Variants in GLI3 observed in about 807,000 individuals in gnomAD.
The protein encoded by GLI3 is GLI family zinc finger 3, also known as transcription activator GLI3.
In GLI3, 20 loss-of-function variants were observed where a neutral mutation model predicts 100.8. The ratio of observed to expected loss-of-function variants is 0.20; its 90% CI spans 0.14 to 0.29. The LOEUF (loss-of-function observed/expected upper bound fraction) is 0.29, where lower values mean the gene tolerates loss of function less well. Among genes scored for constraint, GLI3 ranks in the 10% least tolerant of loss-of-function variants. The pLI, the probability that GLI3 is intolerant of heterozygous loss-of-function variation, is 1.00. For missense variants in GLI3, 2,040 were observed against 2,128.5 expected, an observed-to-expected ratio of 0.96 and a Z score of 0.82; for synonymous variants, 938 against 860.5, an observed-to-expected ratio of 1.09 and a Z score of -1.58.
chr7:42,194,206 T>A (rs1316769690), intron 2 of GLI3, among the ~76,000 whole-genome samples: 2 of 152,150 alleles, frequency 1.3e-5, no homozygotes, highest in African/African-American at 4.8e-5. Flanking sequence ...ATCAACCTCA[T>A]CATAGGTACA....
chr7:41,968,721 A>AAAGAAAGAAAGAAAGAAAG lies in GLI3; in HGVS notation c.2104-817_2104-799dup, dbSNP rs1787265046. 1.2e-3 allele frequency among the ~76,000 whole-genome samples: 128 copies of AAAGAAAGAAAGAAAGAAAG among 103,254 alleles called. 7 individuals carry two copies. Among genetic ancestry groups the AAAGAAAGAAAGAAAGAAAG allele is most frequent in the African/African-American group, 5.8e-3 (121 of 20,908 alleles). 67.7% of individuals were successfully genotyped at this position (103,254 alleles called of 152,430 possible). A position where few individuals can be genotyped will look rare whatever the true frequency, so the allele number is the denominator to read the frequency against. ...AGAAAGAAAGAAAGAAAGAAGAAAG[A>AAAGAAAGAAAGAAAGAAAG]AAGAAAGAAAGAAAGAAAGAAAGAA... is the stretch of plus-strand genomic sequence containing the variant. On this transcript the variant is annotated intron_variant, in intron 13 of 14. Transcript: ENST00000395925.
chr7:42,194,032 T>C (rs1361117555), intron 2 of GLI3, among the ~76,000 whole-genome samples: 1 of 152,224 alleles, frequency 6.6e-6, no homozygotes, highest in Non-Finnish European at 1.5e-5. Flanking sequence ...CTGTGGACTT[T>C]CGCTTTTACT....
intron 10 of GLI3, among the ~76,000 whole-genome samples, chr7:42,000,993 TC>T (rs1788278644): frequency 6.6e-6 from 1 of 151,974 alleles, no homozygotes; most frequent in African/African-American, 2.4e-5. Flanking sequence ...ATGCCTGTAA[TC>T]CCAGCACTTT....
chr7:42,193,973 C>A (rs1225773451), intron 2 of GLI3, among the ~76,000 whole-genome samples: 1 of 152,200 alleles, frequency 6.6e-6, no homozygotes, highest in Middle Eastern at 3.2e-3. Flanking sequence ...CTCCCTCCCT[C>A]TCCAGAAGGA....
At chr7:42,259,408 T>C (rs1420568349) in intron 1 of GLI3, among the ~76,000 whole-genome samples, 1 of 152,222 alleles carries the variant, frequency 6.6e-6, no homozygotes, top group African/African-American at 2.4e-5. Flanking sequence ...TGCTTAAGAA[T>C]GTAGCTGTTC....
chr7:42,072,740 C>A (rs1332314050), intron 4 of GLI3, among the ~76,000 whole-genome samples: 3 of 152,086 alleles, frequency 2.0e-5, no homozygotes, highest in South Asian at 2.1e-4. Context: ...AATACAGAGA[C>A]CAAGAAGTAA....
At chr7:42,245,906 GAAA>G (rs11306047) in intron 1 of GLI3, among the ~76,000 whole-genome samples, 2 of 143,978 alleles carry the variant, frequency 1.4e-5, no homozygotes, top group African/African-American at 2.5e-5. Context: ...GAAAGAAAAG[GAAA>G]AAAAAAAAAG....
At chr7:42,126,495 C>T (rs1786135006) in intron 3 of GLI3, among the ~76,000 whole-genome samples, 1 of 152,138 alleles carries the variant, frequency 6.6e-6, no homozygotes, top group African/African-American at 2.4e-5. Context: ...AAAATCTGAT[C>T]AGAGAACAGT....
At chr7:42,182,068 G>A (rs73688666) in intron 2 of GLI3, among the ~76,000 whole-genome samples, 8,356 of 152,008 alleles carry the variant, frequency 0.055, 718 homozygotes, top group African/African-American at 0.19. Context: ...GATTTACAAC[G>A]GGCCTCCAAG....
intron 2 of GLI3, among the ~76,000 whole-genome samples, chr7:42,212,058 C>T (rs1788282970): frequency 6.6e-6 from 1 of 152,242 alleles, no homozygotes; most frequent in Non-Finnish European, 1.5e-5. Context: ...CCAATGGTTA[C>T]AGTCGTGAGC....
chr7:41,997,992 T>C (rs1788175320), intron 10 of GLI3, among the ~76,000 whole-genome samples: 1 of 152,220 alleles, frequency 6.6e-6, no homozygotes, highest in East Asian at 1.9e-4. Flanking sequence ...ACATCTCCTA[T>C]ATGCCGGCTG....
At chr7:42,166,646 AT>A (rs1417205194) in intron 2 of GLI3, among the ~76,000 whole-genome samples, 21 of 120,242 alleles carry the variant, frequency 1.7e-4, no homozygotes, top group African/African-American at 6.3e-4. Flanking sequence ...CCTGGTTCTG[AT>A]TCCTTTTTTT....
At position 41,961,970 on chromosome 7, in the gene GLI3, A is replaced by G. The variant is rs1460327705; in HGVS notation, c.*2360T>C. On this transcript the variant is annotated 3_prime_UTR_variant, in exon 15 of 15. Coordinates refer to ENST00000395925, the MANE Select transcript of GLI3 (RefSeq NM_000168.6). ...AAAAGCAGTAGAAAGGAAAGCAAATATAAAAAAAAAAAGAAATAAAAGAAG... is the reference window on the plus strand; with the variant it reads ...AAAAGCAGTAGAAAGGAAAGCAAATGTAAAAAAAAAAAGAAATAAAAGAAG... 1 of 151,482 alleles carries G rather than the reference A, an allele frequency of 6.6e-6. No individual in the cohort carries two copies. Among genetic ancestry groups the G allele is most frequent in the African/African-American group, 2.4e-5 (1 of 41,158 alleles). The allele number at this position is 151,482 out of a possible 1,614,324, so 9.4% of individuals were successfully genotyped here.
intron 4 of GLI3, among the ~76,000 whole-genome samples, chr7:42,053,017 A>G (rs1784383054): frequency 6.6e-6 from 1 of 152,166 alleles, no homozygotes. Flanking sequence ...TTTTCGAGAC[A>G]GAGTTTCACT....
chr7:42,071,188 AT>A (rs1246033309), intron 4 of GLI3, among the ~76,000 whole-genome samples: 1 of 152,044 alleles, frequency 6.6e-6, no homozygotes, highest in Non-Finnish European at 1.5e-5. Context: ...TGTAATTATA[AT>A]TTAGTTCATG....
At chr7:42,006,768 T>A (rs1410100505) in intron 10 of GLI3, among the ~76,000 whole-genome samples, 1 of 152,160 alleles carries the variant, frequency 6.6e-6, no homozygotes, top group East Asian at 1.9e-4. Flanking sequence ...TTTCTGACAC[T>A]TACAGGATCC....
chr7:42,061,268 A>C (rs1368808603), intron 4 of GLI3, among the ~76,000 whole-genome samples: 1 of 152,188 alleles, frequency 6.6e-6, no homozygotes, highest in Non-Finnish European at 1.5e-5. Flanking sequence ...AGGCTACCTC[A>C]AGAATCAGAA....
chr7:42,062,117 T>C (rs1241445256), intron 4 of GLI3, among the ~76,000 whole-genome samples: 1 of 152,140 alleles, frequency 6.6e-6, no homozygotes, highest in African/African-American at 2.4e-5. Context: ...CAAAAACAGC[T>C]TTTTGAGCCT....
intron 10 of GLI3, among the ~76,000 whole-genome samples, chr7:41,985,966 C>T (rs1334587807): frequency 6.6e-6 from 1 of 152,210 alleles, no homozygotes; most frequent in Non-Finnish European, 1.5e-5. Flanking sequence ...ACAGCCTCTG[C>T]TGTGGGAGGG....
Sources: gnomAD v4.1 joint callset for allele counts (sites outside exome capture counted in the v4.1 genomes callset) on GRCh38, gnomAD v4.1.1 for gene constraint, MANE v1.5 for transcripts, NCBI Gene and HGNC (gene_info 2026-07-23, HGNC 2026-07-21) for gene names.